The following P2RY8 variants were observed in gnomAD, a reference collection of about 807,000 sequenced individuals.
The protein encoded by P2RY8 is P2Y receptor family member 8, also known as S-geranylgeranyl-glutathione receptor P2RY8.
Under a neutral mutation model 10.0 loss-of-function variants are expected in P2RY8, and 6 were observed. That is an observed-to-expected ratio of 0.60 (90% confidence interval 0.33 to 1.19). The LOEUF is 1.19. Ranked by LOEUF, P2RY8 falls within the 50% of genes most tolerant of loss-of-function variation. The pLI, the probability that P2RY8 is intolerant of heterozygous loss-of-function variation, is 0.04. For missense variants in P2RY8, 456 were observed against 542.0 expected (o/e 0.84, Z 1.58); for synonymous variants, 276 against 252.5 (o/e 1.09, Z -0.88).
intron 1 of P2RY8, among the ~76,000 whole-genome samples, chrX:1,532,818 G>A (rs761040032): frequency 6.6e-6 from 1 of 151,826 alleles, no homozygotes; most frequent in East Asian, 1.9e-4. Flanking sequence ...TGGCCAATAT[G>A]GTGAAACCCC....
chrX:1,513,449 C>T (rs1328338453), intron 1 of P2RY8, among the ~76,000 whole-genome samples: 3 of 152,042 alleles, frequency 2.0e-5, no homozygotes, highest in Non-Finnish European at 2.9e-5. Context: ...CTCCAAGCTC[C>T]TGGGGGCTCC....
rs1412514113 is a variant in P2RY8 at position 1,501,473 on chromosome X, C to A, written c.-24-34891G>T. ...ACTTCCTGGCCTGAACCGATCCTCC[C>A]ACCTCAGCCTCCTGAGCAGCTGGGA... On this transcript the variant is annotated intron_variant, in intron 1 of 1. Transcript: ENST00000381297. Among the ~76,000 whole-genome samples, 3 of 151,996 alleles carry A rather than the reference C, an allele frequency of 2.0e-5. No homozygotes were observed. The East Asian group carries it at 5.8e-4, about 29-fold the overall frequency.
chrX:1,465,638 A>G lies in P2RY8; in HGVS notation c.921T>C (p.Tyr307=). 1.9e-6 allele frequency: 3 copies of G among 1,613,420 alleles called. No individual in the cohort carries two copies. Among genetic ancestry groups the G allele is most frequent in the Non-Finnish European group, 2.5e-6 (3 of 1,179,820 alleles). Residue 307 remains tyrosine (Y), a synonymous_variant, in exon 2 of 2, where the codon TAT becomes TAC. Coordinates refer to ENST00000381297, the MANE Select transcript of P2RY8 (RefSeq NM_178129.5). ...SREFQLRLRE[Y]LGCRRVPRDT... is the part of the protein sequence containing the mutation. ...CTCTGGGCACCCGGCGGCAGCCCAA[A>G]TATTCCCGCAGGCGCAGCTGGAATT... is the stretch of plus-strand genomic sequence containing the variant.
chrX:1,524,895 A>ATCC (rs2092429696), intron 1 of P2RY8, among the ~76,000 whole-genome samples: 1 of 121,874 alleles, frequency 8.2e-6, no homozygotes, highest in East Asian at 2.0e-4. Context: ...CCATCTATCC[A>ATCC]TCCATCCATC....
intron 1 of P2RY8, among the ~76,000 whole-genome samples, chrX:1,471,052 G>T (rs1395109129): frequency 1.3e-5 from 2 of 151,660 alleles, no homozygotes; most frequent in Non-Finnish European, 2.9e-5. Flanking sequence ...TTTTTGCCCA[G>T]GCTGGAGTGC....
At chrX:1,483,882 CA>C (rs34747075) in intron 1 of P2RY8, among the ~76,000 whole-genome samples, 23,488 of 151,380 alleles carry the variant, frequency 0.16, 2,071 homozygotes, top group Non-Finnish European at 0.2. Context: ...TGCCTTAGAC[CA>C]AAAGCTGGGC....
At chrX:1,500,425 G>A (rs1328271227) in intron 1 of P2RY8, among the ~76,000 whole-genome samples, 2 of 151,506 alleles carry the variant, frequency 1.3e-5, no homozygotes, top group Non-Finnish European at 2.9e-5. Flanking sequence ...CTACAGGCGT[G>A]CACCACCATG....
In P2RY8 at chrX:1,467,265, G is replaced by T. The variant is rs147391689; in HGVS notation, c.-24-683C>A. Among the ~76,000 whole-genome samples, 247 of 152,120 alleles carry T rather than the reference G, an allele frequency of 1.6e-3. 2 individuals are homozygous for T. Among genetic ancestry groups the T allele is most frequent in the African/African-American group, 5.6e-3 (231 of 41,512 alleles). ...GCTTTTAACACCCGCGTCAACCCAC[G>T]GCTCCTCCCTGCTCTTTCTTCCTCC... On this transcript the variant is annotated intron_variant, in intron 1 of 1. Coordinates refer to ENST00000381297, the MANE Select transcript of P2RY8 (RefSeq NM_178129.5).
At chrX:1,485,511 T>C (rs2091978438) in intron 1 of P2RY8, among the ~76,000 whole-genome samples, 1 of 151,734 alleles carries the variant, frequency 6.6e-6, no homozygotes, top group Non-Finnish European at 1.5e-5. Context: ...TATTAACATT[T>C]TATTTACTTT....
At chrX:1,534,121 A>G (rs868540032) in intron 1 of P2RY8, among the ~76,000 whole-genome samples, 20 of 130,134 alleles carry the variant, frequency 1.5e-4, no homozygotes, top group African/African-American at 5.8e-4. Context: ...ATTTACATAT[A>G]TTATATATTT....
chrX:1,484,799 T>C (rs1447644881), intron 1 of P2RY8, among the ~76,000 whole-genome samples: 1 of 128,160 alleles, frequency 7.8e-6, no homozygotes, highest in Non-Finnish European at 1.6e-5. Flanking sequence ...GAGCAAAAAC[T>C]AGAATCCTCT....
At chrX:1,520,758 C>A (rs2092384615) in intron 1 of P2RY8, among the ~76,000 whole-genome samples, 1 of 151,634 alleles carries the variant, frequency 6.6e-6, no homozygotes, top group South Asian at 2.1e-4. Context: ...ATCTTCTTGT[C>A]TCCCAATAAT....
chrX:1,536,030 G>C (rs767309979), intron 1 of P2RY8, among the ~76,000 whole-genome samples: 154 of 152,204 alleles, frequency 1.0e-3, no homozygotes, highest in African/African-American at 3.6e-3. Context: ...TGCTCATCCA[G>C]GCACCCATAG....
chrX:1,516,040 A>T (rs2092345545), intron 1 of P2RY8, among the ~76,000 whole-genome samples: 1 of 143,354 alleles, frequency 7.0e-6, no homozygotes, highest in Non-Finnish European at 1.5e-5. Flanking sequence ...AAAAAAAAAT[A>T]CTAAAAATTA....
intron 1 of P2RY8, among the ~76,000 whole-genome samples, chrX:1,515,209 C>A (rs2092336764): frequency 1.3e-5 from 2 of 150,524 alleles, no homozygotes; most frequent in Admixed American, 6.6e-5. Flanking sequence ...CCGCGCCCAA[C>A]CTGCCTTTTT....
At chrX:1,487,348 A>G (rs1192836148) in intron 1 of P2RY8, among the ~76,000 whole-genome samples, 2 of 152,094 alleles carry the variant, frequency 1.3e-5, no homozygotes, top group African/African-American at 4.8e-5. Flanking sequence ...CTTAGAGCAG[A>G]CGTCACATTG....
chrX:1,469,715 C>T (rs1183999494), intron 1 of P2RY8, among the ~76,000 whole-genome samples: 2 of 151,544 alleles, frequency 1.3e-5, no homozygotes, highest in Non-Finnish European at 2.9e-5. Context: ...CACGGTGAAA[C>T]CCCATCTCTA....
intron 1 of P2RY8, among the ~76,000 whole-genome samples, chrX:1,500,456 GTTTT>G (rs765842147): frequency 2.7e-4 from 40 of 148,100 alleles, no homozygotes; most frequent in Admixed American, 1.5e-3. Flanking sequence ...TTTTTTTTTT[GTTTT>G]TTGAGACGGA....
chrX:1,488,789 G>A (rs1320633454), intron 1 of P2RY8, among the ~76,000 whole-genome samples: 3 of 149,224 alleles, frequency 2.0e-5, no homozygotes, highest in African/African-American at 7.4e-5. Context: ...CAATGACTGT[G>A]GAGGGAATGA....
Sources: gnomAD v4.1 joint callset for allele counts (sites outside exome capture counted in the v4.1 genomes callset) on GRCh38, gnomAD v4.1.1 for gene constraint, MANE v1.5 for transcripts, NCBI Gene and HGNC (gene_info 2026-07-23, HGNC 2026-07-21) for gene names.